The following RARB variants were observed in gnomAD, a reference collection of about 807,000 sequenced individuals.
RARB encodes the protein HBV-activated protein.
Under a neutral mutation model 51.9 loss-of-function variants are expected in RARB, and 17 were observed. That is an observed-to-expected ratio of 0.33 (90% CI 0.22 to 0.49). The LOEUF (loss-of-function observed/expected upper bound fraction) is 0.49, where lower values mean the gene tolerates loss of function less well. RARB is among the 20% of genes least tolerant of loss of function. The pLI, the probability that RARB is intolerant of heterozygous loss-of-function variation, is 0.99. For synonymous variants in RARB, 215 were observed against 195.4 expected (o/e 1.10, Z -0.84); for missense variants, 369 against 550.8 (o/e 0.67, Z 3.30).
chr3:25,055,461 C>T (rs973340863), intron 2 of RARB, among the ~76,000 whole-genome samples: 1 of 152,086 alleles, frequency 6.6e-6, no homozygotes, highest in East Asian at 1.9e-4. Context: ...AGAGATGGTA[C>T]ATATAATTTG....
chr3:25,251,993 C>G (rs1373057646), intron 5 of RARB, among the ~76,000 whole-genome samples: 1 of 151,798 alleles, frequency 6.6e-6, no homozygotes, highest in Non-Finnish European at 1.5e-5. Context: ...AGTTTTAGCT[C>G]TTATATTTAA....
In RARB at chr3:24,856,816, A is replaced by G. The variant is rs77129398; in HGVS notation, c.-458-1858A>G. On this transcript the variant is annotated intron_variant, in intron 1 of 11. Transcript: ENST00000383772. Reference sequence around the variant, plus strand: ...AAGAGGTCAGACATAGTCTGAGGCAATACTTAAGGAGTCTGTATCTCGAAA... The same window carrying G: ...AAGAGGTCAGACATAGTCTGAGGCAGTACTTAAGGAGTCTGTATCTCGAAA... Among the ~76,000 whole-genome samples, 939 of 152,290 alleles carry G rather than the reference A, an allele frequency of 6.2e-3. 4 individuals are homozygous for G. Among genetic ancestry groups the G allele is most frequent in the Middle Eastern group, 0.014 (4 of 294 alleles).
intron 5 of RARB, among the ~76,000 whole-genome samples, chr3:25,399,438 CTGTT>C (rs1484084314): frequency 1.3e-5 from 2 of 152,162 alleles, no homozygotes; most frequent in South Asian, 2.1e-4. Context: ...TCTGGGAAAA[CTGTT>C]TGAACAGGAG....
chr3:25,451,550 A>T (rs186187026), intron 1 of RARB, among the ~76,000 whole-genome samples: 15 of 152,368 alleles, frequency 9.8e-5, no homozygotes, highest in East Asian at 9.6e-4. Context: ...ATTTCTTTGC[A>T]GCAAAATTCT....
intron 4 of RARB, among the ~76,000 whole-genome samples, chr3:25,135,564 A>G (rs962245083): frequency 6.6e-6 from 1 of 152,010 alleles, no homozygotes; most frequent in Non-Finnish European, 1.5e-5. Context: ...TCTCAGCAGG[A>G]TAGGTTGAGC....
rs1437604246 is a variant in RARB at position 25,011,050 on chromosome 3, T to C, written c.-379-49075T>C. Among the ~76,000 whole-genome samples, 3 of 152,128 alleles carry C rather than the reference T, an allele frequency of 2.0e-5. No homozygotes were observed. The East Asian group carries it at 5.8e-4, about 29-fold the overall frequency. On this transcript the variant is annotated intron_variant, in intron 2 of 11. Transcript: ENST00000383772. The stretch of plus-strand genomic sequence containing the variant: ...TTAAATGGAATCAAGTTAACCTATA[T>C]CTGTTCGATTGTTATTTGTTGATTT...
At chr3:25,146,793 A>G (rs1204275108) in intron 4 of RARB, among the ~76,000 whole-genome samples, 2 of 152,122 alleles carry the variant, frequency 1.3e-5, no homozygotes, top group Middle Eastern at 3.2e-3. Flanking sequence ...TGCTAGGATT[A>G]CAGGCATGAG....
chr3:24,831,631 T>C (rs994357841), intron 1 of RARB, among the ~76,000 whole-genome samples: 3 of 151,990 alleles, frequency 2.0e-5, no homozygotes, highest in Non-Finnish European at 4.4e-5. Context: ...TACATGATGC[T>C]TATAGATATG....
rs1340885452 is a variant in RARB at position 25,484,198 on chromosome 3, TG to T, written c.307-16981del. Among the ~76,000 whole-genome samples, 64 of 152,178 alleles carry T rather than the reference TG, an allele frequency of 4.2e-4. 1 individual carries two copies. On this transcript the variant is annotated intron_variant, in intron 2 of 7. Coordinates refer to ENST00000330688, the MANE Select transcript of RARB (RefSeq NM_000965.5). The stretch of plus-strand genomic sequence containing the variant: ...GAAAGACATGATTTCTAATTTAGAG[TG>T]GGAATTTTCTTTATGAGAAAGGGCG...
At position 25,436,407 on chromosome 3, in the gene RARB, C is replaced by T. The variant is rs905880622; in HGVS notation, c.157+7519C>T. 6.8e-4 allele frequency among the ~76,000 whole-genome samples: 103 copies of T among 152,196 alleles called. 1 individual carries two copies. The highest frequency in any genetic ancestry group is 2.2e-3 in the African/African-American group (93 of 41,456). On this transcript the variant is annotated intron_variant, in intron 1 of 7. Coordinates refer to ENST00000330688, the MANE Select transcript of RARB (RefSeq NM_000965.5). The stretch of plus-strand genomic sequence containing the variant: ...AATCCATGGAGTTCTGGAACTGTTT[C>T]ATGTTTGTCTGGAGTACTTTATGTG...
intron 2 of RARB, among the ~76,000 whole-genome samples, chr3:24,933,476 CTT>C (rs755984434): frequency 4.1e-4 from 62 of 152,132 alleles, no homozygotes; most frequent in Non-Finnish European, 7.6e-4. Context: ...AACTTGTTGG[CTT>C]TGTCAGGTTC....
At chr3:25,146,326 G>A (rs952659068) in intron 4 of RARB, among the ~76,000 whole-genome samples, 1 of 152,062 alleles carries the variant, frequency 6.6e-6, no homozygotes, top group Non-Finnish European at 1.5e-5. Flanking sequence ...GGGGCTATGG[G>A]GGGACCACAT....
chr3:25,284,182 C>G (rs1032390004), intron 5 of RARB, among the ~76,000 whole-genome samples: 1 of 152,242 alleles, frequency 6.6e-6, no homozygotes, highest in East Asian at 1.9e-4. Context: ...CATCTAACAG[C>G]TCATGAGGAA....
At chr3:25,168,916 G>C (rs1347698734) in intron 4 of RARB, among the ~76,000 whole-genome samples, 1 of 152,130 alleles carries the variant, frequency 6.6e-6, no homozygotes, top group Admixed American at 6.5e-5. Flanking sequence ...AGCAGGGAAA[G>C]GGATCCTTGA....
Position 24,870,708 on chromosome 3 carries a change from G to A in RARB, c.-380+11956G>A, listed in dbSNP as rs565357961. 2.6e-5 allele frequency among the ~76,000 whole-genome samples: 4 copies of A among 152,128 alleles called. No individual in the cohort carries two copies. In the East Asian group the frequency reaches 7.7e-4, roughly 29 times the overall value. ...ATGTGTTTGGTGGAGGTGTGGATGA[G>A]TACTTTTTACTGCACTGATTAAGAA... is the stretch of plus-strand genomic sequence containing the variant. On this transcript the variant is annotated intron_variant, in intron 2 of 11. Transcript: ENST00000383772.
At chr3:25,545,209 C>G (rs1029126671) in intron 3 of RARB, among the ~76,000 whole-genome samples, 2 of 152,118 alleles carry the variant, frequency 1.3e-5, no homozygotes, top group African/African-American at 4.8e-5. Flanking sequence ...CCCCACAAAG[C>G]TGTGGGATTA....
intron 3 of RARB, among the ~76,000 whole-genome samples, chr3:25,564,920 A>T (rs1448351757): frequency 6.6e-6 from 1 of 152,168 alleles, no homozygotes; most frequent in South Asian, 2.1e-4. Context: ...CAAACATCCC[A>T]GGCAGCCTTG....
At chr3:25,291,476 C>CTTTTTT (rs199605013) in intron 5 of RARB, among the ~76,000 whole-genome samples, 1,965 of 125,232 alleles carry the variant, frequency 0.016, 43 homozygotes, top group Non-Finnish European at 0.021. Context: ...CAGATGTTTG[C>CTTTTTT]TTTTTTTTTT....
intron 1 of RARB, among the ~76,000 whole-genome samples, chr3:24,851,255 C>T (rs906828804): frequency 3.3e-5 from 5 of 151,906 alleles, no homozygotes; most frequent in Non-Finnish European, 7.4e-5. Flanking sequence ...TGATGAGACC[C>T]TGCCTCTACA....
Sources: gnomAD v4.1 joint callset for allele counts (sites outside exome capture counted in the v4.1 genomes callset) on GRCh38, gnomAD v4.1.1 for gene constraint, MANE v1.5 for transcripts, NCBI Gene and HGNC (gene_info 2026-07-23, HGNC 2026-07-21) for gene names.